Variants in CD2AP observed in about 807,000 individuals in gnomAD.
CD2AP encodes the protein CD2 associated protein.
Under a neutral mutation model 85.1 loss-of-function variants are expected in CD2AP, and 46 were observed. The observed-to-expected ratio is 0.54, with a 90% CI of 0.43 to 0.69. CD2AP has a LOEUF of 0.69. CD2AP is among the 30% of genes least tolerant of loss of function. The pLI, the probability that CD2AP is intolerant of heterozygous loss-of-function variation, is 0.00. For synonymous variants in CD2AP, 255 were observed against 252.9 expected, an observed-to-expected ratio of 1.01 and a Z score of -0.08; for missense variants, 769 against 729.5, an observed-to-expected ratio of 1.05 and a Z score of -0.62.
intron 8 of CD2AP, 89 bp from the exon 9 acceptor site, chr6:47,579,296 C>A: frequency 1.3e-6 from 1 of 783,042 alleles, no homozygotes. Flanking sequence ...GATCGCATCA[C>A]TGCACTTCAG....
chr6:47,548,676 A>G (rs914353854), intron 4 of CD2AP, among the ~76,000 whole-genome samples: 1 of 152,156 alleles, frequency 6.6e-6, no homozygotes, highest in Non-Finnish European at 1.5e-5. Context: ...CAAGATAGAG[A>G]GAGGGAACCC....
In CD2AP at chr6:47,584,927, A is replaced by G. The variant is rs375212517; in HGVS notation, c.1108+2862A>G. 3.9e-5 allele frequency among the ~76,000 whole-genome samples: 6 copies of G among 152,076 alleles called. No homozygotes were observed. The East Asian group carries it at 9.6e-4, about 24-fold the overall frequency. On this transcript the variant is annotated intron_variant, in intron 11 of 17. Coordinates refer to ENST00000359314, the MANE Select transcript of CD2AP (RefSeq NM_012120.3). ...TACTATTAAAAAAAATCATGTCACC[A>G]GTTAGTCAGCAGTTTTGTTAAAATT...
chr6:47,526,306 A>T (rs528156578), intron 2 of CD2AP, among the ~76,000 whole-genome samples: 2 of 152,248 alleles, frequency 1.3e-5, no homozygotes, highest in South Asian at 4.1e-4. Flanking sequence ...CCAGAGAAGA[A>T]GGTGGTGGAC....
chr6:47,574,341 A>G, intron 6 of CD2AP, 90 bp downstream of exon 6: 2 of 1,263,886 alleles, frequency 1.6e-6, no homozygotes, highest in South Asian at 1.2e-5. Context: ...ACTCTGTTAG[A>G]TTTCTTTTTT....
At chr6:47,537,704 A>C (rs1767090019) in intron 3 of CD2AP, among the ~76,000 whole-genome samples, 1 of 152,170 alleles carries the variant, frequency 6.6e-6, no homozygotes, top group Non-Finnish European at 1.5e-5. Context: ...TCTTAAGTAG[A>C]ACATCTCAGC....
At chr6:47,613,206 T>G (rs1285336286) in intron 17 of CD2AP, among the ~76,000 whole-genome samples, 1 of 152,240 alleles carries the variant, frequency 6.6e-6, no homozygotes, top group Admixed American at 6.5e-5. Flanking sequence ...CATTTTGACT[T>G]TCTCTTATGA....
intron 4 of CD2AP, among the ~76,000 whole-genome samples, chr6:47,553,293 G>T (rs1433947798): frequency 6.6e-6 from 1 of 151,510 alleles, no homozygotes; most frequent in East Asian, 1.9e-4. Context: ...TAGCTATATT[G>T]TGTGTAGTGC....
At chr6:47,574,649 T>C (rs867621084) in intron 6 of CD2AP, among the ~76,000 whole-genome samples, 5 of 150,948 alleles carry the variant, frequency 3.3e-5, no homozygotes, top group Non-Finnish European at 5.9e-5. Context: ...TTAAAATGGA[T>C]TTAGAAAATA....
intron 2 of CD2AP, among the ~76,000 whole-genome samples, chr6:47,517,503 T>C (rs1209594167): frequency 6.6e-6 from 1 of 152,136 alleles, no homozygotes; most frequent in Non-Finnish European, 1.5e-5. Flanking sequence ...TTGCCCAGGC[T>C]GGTCTTGAAC....
rs1768927752 is a variant in CD2AP, at chr6:47,595,905, C to T, written c.1153C>T (p.Pro385Ser). 1 of 1,612,876 alleles carries T rather than the reference C, an allele frequency of 6.2e-7. No individual in the cohort carries two copies. Among genetic ancestry groups the T allele is most frequent in the Non-Finnish European group, 8.5e-7 (1 of 1,179,156 alleles). ...ACAGAAACCTTCTAAACCAGCAGCT[C>T]CACAAGTCCCACCCAAGAAACCTAC... ...LEQKPSKPAA[P>S]QVPPKKPTPP... Residue 385 changes from proline (P) to serine (S), a missense_variant, in exon 12 of 18, where the codon CCA becomes TCA. By Grantham distance (74) the Pro-to-Ser change is moderately conservative. Transcript: ENST00000359314.
chr6:47,618,871 C>G (rs377342045), intron 17 of CD2AP, among the ~76,000 whole-genome samples: 3 of 152,082 alleles, frequency 2.0e-5, no homozygotes, highest in East Asian at 1.9e-4. Flanking sequence ...GTTGTGGGCA[C>G]AGTTTTACCC....
At chr6:47,537,269 A>T (rs1767076875) in intron 3 of CD2AP, among the ~76,000 whole-genome samples, 1 of 152,214 alleles carries the variant, frequency 6.6e-6, no homozygotes, top group Non-Finnish European at 1.5e-5. Flanking sequence ...CTGTCAGATT[A>T]TGTCCACTGA....
intron 16 of CD2AP, among the ~76,000 whole-genome samples, chr6:47,610,811 C>T (rs1769407979): frequency 6.6e-6 from 1 of 151,178 alleles, no homozygotes; most frequent in Non-Finnish European, 1.5e-5. Flanking sequence ...TTATTAATCA[C>T]CACCCATGTA....
intron 17 of CD2AP, among the ~76,000 whole-genome samples, chr6:47,616,582 A>G (rs1324334115): frequency 1.3e-5 from 2 of 152,174 alleles, no homozygotes; most frequent in East Asian, 1.9e-4. Flanking sequence ...TCTATTGGCA[A>G]CTTCACTACT....
chr6:47,546,527 A>T (rs1377586727), intron 4 of CD2AP, among the ~76,000 whole-genome samples: 1 of 152,186 alleles, frequency 6.6e-6, no homozygotes, highest in African/African-American at 2.4e-5. Flanking sequence ...CAAAAAGATT[A>T]TTGCCTGGGC....
At chr6:47,615,380 A>T (rs370852801) in intron 17 of CD2AP, among the ~76,000 whole-genome samples, 6 of 152,170 alleles carry the variant, frequency 3.9e-5, no homozygotes, top group African/African-American at 1.4e-4. Flanking sequence ...TGGATAATTT[A>T]TAAAGAAAAA....
At chr6:47,508,365 G>A (rs1488422836) in intron 2 of CD2AP, among the ~76,000 whole-genome samples, 1 of 152,078 alleles carries the variant, frequency 6.6e-6, no homozygotes, top group Non-Finnish European at 1.5e-5. Context: ...TTCTTTCCTT[G>A]AACCTCATGA....
intron 1 of CD2AP, among the ~76,000 whole-genome samples, chr6:47,488,414 A>T (rs964231071): frequency 6.6e-6 from 1 of 152,142 alleles, no homozygotes; most frequent in Admixed American, 6.5e-5. Flanking sequence ...TAGTAGCTAC[A>T]TTTAAAAAGG....
At chr6:47,530,230 A>G (rs1270117727) in intron 2 of CD2AP, among the ~76,000 whole-genome samples, 1 of 152,236 alleles carries the variant, frequency 6.6e-6, no homozygotes, top group Non-Finnish European at 1.5e-5. Flanking sequence ...TTTATGTACA[A>G]TAAATGGCAT....
Sources: gnomAD v4.1 joint callset for allele counts (sites outside exome capture counted in the v4.1 genomes callset) on GRCh38, gnomAD v4.1.1 for gene constraint, MANE v1.5 for transcripts, NCBI Gene and HGNC (gene_info 2026-07-23, HGNC 2026-07-21) for gene names.